Variants in COP1 observed in about 807,000 individuals in gnomAD.
COP1 encodes the protein COP1 E3 ubiquitin ligase, also known as E3 ubiquitin-protein ligase COP1.
In COP1, 24 loss-of-function variants were observed where a neutral mutation model predicts 101.3. The observed-to-expected ratio is 0.24, with a 90% confidence interval of 0.17 to 0.33. The LOEUF is 0.33. Ranked by LOEUF, COP1 falls within the 10% of genes least tolerant of loss-of-function variation. The probability of loss-of-function intolerance (pLI) is 1.00; values close to 1 mark genes in which losing one functional copy is unlikely to be tolerated. For synonymous variants in COP1, 347 were observed against 341.9 expected (o/e 1.01, Z -0.17); for missense variants, 663 against 906.2 (o/e 0.73, Z 3.45).
chr1:176,052,784 G>T (rs904442190), intron 11 of COP1, among the ~76,000 whole-genome samples: 7 of 151,924 alleles, frequency 4.6e-5, no homozygotes, highest in Admixed American at 6.6e-5. Flanking sequence ...CACGTATTTG[G>T]TTTTTTTCAA....
chr1:176,073,828 A>T (rs889236677), intron 11 of COP1, among the ~76,000 whole-genome samples: 9 of 152,388 alleles, frequency 5.9e-5, no homozygotes, highest in Admixed American at 3.3e-4. Flanking sequence ...TTATCACTGC[A>T]GTAAGTGACC....
intron 18 of COP1, among the ~76,000 whole-genome samples, chr1:175,971,208 G>A (rs146523255): frequency 2.0e-5 from 3 of 152,322 alleles, no homozygotes; most frequent in African/African-American, 7.2e-5. Context: ...GTCAAAGTTG[G>A]AAGGGTATTT....
intron 11 of COP1, among the ~76,000 whole-genome samples, chr1:176,060,596 T>C (rs958236633): frequency 2.0e-5 from 3 of 152,238 alleles, no homozygotes; most frequent in African/African-American, 7.2e-5. Flanking sequence ...TTCTCAGTTC[T>C]GTGTTCTCTG....
intron 18 of COP1, among the ~76,000 whole-genome samples, chr1:175,961,753 A>G (rs1651388462): frequency 6.6e-6 from 1 of 151,522 alleles, no homozygotes; most frequent in Admixed American, 6.6e-5. Flanking sequence ...CAACTGAAGA[A>G]GTAAGAAGAG....
At chr1:176,012,103 G>A (rs1005939677) in intron 15 of COP1, among the ~76,000 whole-genome samples, 3 of 152,202 alleles carry the variant, frequency 2.0e-5, no homozygotes, top group Admixed American at 6.5e-5. Flanking sequence ...AGGACTGCTT[G>A]AGCCCAAGAG....
intron 15 of COP1, among the ~76,000 whole-genome samples, chr1:176,022,015 CTGAAATT>C: frequency 6.6e-6 from 1 of 152,050 alleles, no homozygotes; most frequent in Non-Finnish European, 1.5e-5. Flanking sequence ...TCCTAAGATA[CTGAAATT>C]TGAATTATCT....
At chr1:176,206,196 T>C (rs1389046955) in intron 1 of COP1, among the ~76,000 whole-genome samples, 1 of 152,176 alleles carries the variant, frequency 6.6e-6, no homozygotes. Context: ...GGACTCCTGA[T>C]TGACTGAGTG....
intron 11 of COP1, among the ~76,000 whole-genome samples, chr1:176,056,684 T>C (rs956673652): frequency 1.8e-4 from 28 of 152,214 alleles, no homozygotes; most frequent in African/African-American, 6.5e-4. Flanking sequence ...CCAGGAAGTT[T>C]AGCCTATTTA....
chr1:176,109,236 T>TC, intron 9 of COP1, among the ~76,000 whole-genome samples: 1 of 152,210 alleles, frequency 6.6e-6, no homozygotes, highest in African/African-American at 2.4e-5. Context: ...GGTGCTTTCT[T>TC]ATATGTAGGG....
Position 176,186,044 on chromosome 1 carries a change from A to G in COP1, c.408-1352T>C, listed in dbSNP as rs567422484. Reference sequence around the variant, plus strand: ...TATATACAATATATACAATAATGATAAATACATAATAATAAGAGGACACAC... The same window carrying G: ...TATATACAATATATACAATAATGATGAATACATAATAATAAGAGGACACAC... On this transcript the variant is annotated intron_variant, in intron 1 of 19. Coordinates refer to ENST00000367669, the MANE Select transcript of COP1 (RefSeq NM_022457.7). 9.2e-5 allele frequency among the ~76,000 whole-genome samples: 14 copies of G among 152,266 alleles called. No individual in the cohort carries two copies. In the South Asian group the frequency reaches 2.7e-3, roughly 29 times the overall value.
At chr1:176,012,574 T>C (rs1396951661) in intron 15 of COP1, among the ~76,000 whole-genome samples, 1 of 152,236 alleles carries the variant, frequency 6.6e-6, no homozygotes, top group Non-Finnish European at 1.5e-5. Flanking sequence ...AGTAATGACC[T>C]AGGTCTTCAT....
intron 9 of COP1, among the ~76,000 whole-genome samples, chr1:176,111,764 G>C (rs931666801): frequency 1.5e-4 from 23 of 151,718 alleles, no homozygotes; most frequent in African/African-American, 5.3e-4. Context: ...GTTTGCATTT[G>C]CCAGGCTTAT....
intron 6 of COP1, 59 bp from the exon 7 acceptor site, chr1:176,136,606 G>T: frequency 9.3e-7 from 1 of 1,075,032 alleles, no homozygotes; most frequent in Non-Finnish European, 1.4e-6. Flanking sequence ...AAACCAAAAT[G>T]GCATCACCAT....
At chr1:176,032,968 CTG>C (rs953483292) in intron 14 of COP1, among the ~76,000 whole-genome samples, 2 of 152,062 alleles carry the variant, frequency 1.3e-5, no homozygotes, top group African/African-American at 4.8e-5. Flanking sequence ...ATTATAATAA[CTG>C]TTATCATAAT....
intron 10 of COP1, among the ~76,000 whole-genome samples, chr1:176,082,023 G>A (rs1253468916): frequency 6.6e-6 from 1 of 152,140 alleles, no homozygotes. Flanking sequence ...GATAAATCAT[G>A]TGGAATTTAA....
At chr1:176,007,099 T>C (rs1416502401) in intron 15 of COP1, among the ~76,000 whole-genome samples, 1 of 152,176 alleles carries the variant, frequency 6.6e-6, no homozygotes, top group African/African-American at 2.4e-5. Flanking sequence ...TTCATTCATC[T>C]TCCATCGCTG....
chr1:176,186,455 C>A (rs529230997), intron 1 of COP1, among the ~76,000 whole-genome samples: 1 of 152,152 alleles, frequency 6.6e-6, no homozygotes, highest in African/African-American at 2.4e-5. Context: ...GAAGAATGAT[C>A]ACTTGAGCAC....
At chr1:175,985,517 GT>G (rs1656894707) in intron 18 of COP1, among the ~76,000 whole-genome samples, 1 of 152,096 alleles carries the variant, frequency 6.6e-6, no homozygotes, top group Non-Finnish European at 1.5e-5. Flanking sequence ...ATATACCCCT[GT>G]GGGGACTTAA....
chr1:175,963,693 T>C (rs924728708), intron 18 of COP1, among the ~76,000 whole-genome samples: 6 of 152,222 alleles, frequency 3.9e-5, no homozygotes, highest in Non-Finnish European at 7.3e-5. Context: ...TTTAGACTTC[T>C]GAAACCCTTT....
Sources: gnomAD v4.1 joint callset for allele counts (sites outside exome capture counted in the v4.1 genomes callset) on GRCh38, gnomAD v4.1.1 for gene constraint, MANE v1.5 for transcripts, NCBI Gene and HGNC (gene_info 2026-07-23, HGNC 2026-07-21) for gene names.